Variants in AUTS2 observed in about 807,000 individuals in gnomAD.
AUTS2 encodes the protein activator of transcription and developmental regulator AUTS2.
Under a neutral mutation model 112.4 loss-of-function variants are expected in AUTS2, and 17 were observed. The observed-to-expected ratio is 0.15, with a 90% CI of 0.10 to 0.23. The LOEUF (loss-of-function observed/expected upper bound fraction) is 0.23. Ranked by LOEUF, AUTS2 falls within the 10% of genes least tolerant of loss-of-function variation. The pLI is 1.00. For missense variants in AUTS2, 1,510 were observed against 1,701.6 expected (o/e 0.89, Z 1.98); for synonymous variants, 751 against 702.7 (o/e 1.07, Z -1.09).
At chr7:70,259,288 A>T (rs1489883731) in intron 4 of AUTS2, among the ~76,000 whole-genome samples, 2 of 150,526 alleles carry the variant, frequency 1.3e-5, no homozygotes, top group African/African-American at 2.4e-5. Context: ...TCATACAAAA[A>T]TCTAGAGCTT....
chr7:69,894,105 G>T (rs1224625139), intron 1 of AUTS2, among the ~76,000 whole-genome samples: 13 of 152,072 alleles, frequency 8.5e-5, no homozygotes, highest in Admixed American at 8.5e-4. Context: ...CACATCTGTT[G>T]TGCATGGCTT....
At chr7:69,749,656 A>T (rs1787653196) in intron 1 of AUTS2, among the ~76,000 whole-genome samples, 1 of 152,224 alleles carries the variant, frequency 6.6e-6, no homozygotes, top group African/African-American at 2.4e-5. Context: ...GCGGCTGTTC[A>T]TATGGCAACT....
At chr7:70,026,391 G>C (rs1380195145) in intron 2 of AUTS2, among the ~76,000 whole-genome samples, 1 of 152,210 alleles carries the variant, frequency 6.6e-6, no homozygotes, top group Non-Finnish European at 1.5e-5. Context: ...CAGGCTGTGA[G>C]TTCCCTCTCT....
intron 4 of AUTS2, among the ~76,000 whole-genome samples, chr7:70,350,257 CATA>C (rs1791688315): frequency 6.6e-6 from 1 of 151,980 alleles, no homozygotes; most frequent in Non-Finnish European, 1.5e-5. Flanking sequence ...AGATGTACAA[CATA>C]ATGTTTTGAT....
intron 1 of AUTS2, among the ~76,000 whole-genome samples, chr7:69,872,020 C>T (rs763370645): frequency 1.3e-5 from 2 of 152,144 alleles, no homozygotes; most frequent in African/African-American, 4.8e-5. Flanking sequence ...GCGCCTGTTG[C>T]GTGTATTTTT....
chr7:69,998,761 G>C (rs1161211424), intron 2 of AUTS2, among the ~76,000 whole-genome samples: 1 of 152,052 alleles, frequency 6.6e-6, no homozygotes, highest in African/African-American at 2.4e-5. Context: ...GGAAGGTGAG[G>C]GATACTATTT....
intron 5 of AUTS2, among the ~76,000 whole-genome samples, chr7:70,469,357 A>AG (rs1797289241): frequency 6.7e-6 from 1 of 149,870 alleles, no homozygotes; most frequent in Non-Finnish European, 1.5e-5. Flanking sequence ...TCTCTAAGGA[A>AG]GGGCCCAAAT....
At chr7:70,615,376 A>G (rs749220270) in intron 5 of AUTS2, among the ~76,000 whole-genome samples, 6 of 152,166 alleles carry the variant, frequency 3.9e-5, no homozygotes, top group Admixed American at 6.5e-5. Flanking sequence ...TGCCAGATAC[A>G]ACTTCTGTCG....
At chr7:70,231,392 C>T (rs1160829167) in intron 4 of AUTS2, among the ~76,000 whole-genome samples, 4 of 152,156 alleles carry the variant, frequency 2.6e-5, no homozygotes, top group Non-Finnish European at 4.4e-5. Flanking sequence ...AACCACTGTC[C>T]TGACCTCTGT....
chr7:69,714,249 A>ATGTGTGTGTG lies in AUTS2; in HGVS notation c.309+114319_309+114328dup, dbSNP rs200192496. 9.1e-3 allele frequency among the ~76,000 whole-genome samples: 849 copies of ATGTGTGTGTG among 92,814 alleles called. 3 individuals carry two copies. Among genetic ancestry groups the ATGTGTGTGTG allele is most frequent in the African/African-American group, 0.022 (630 of 28,546 alleles). The allele number at this position is 92,814 out of a possible 152,430, so 60.9% of individuals were successfully genotyped here. A position where few individuals can be genotyped will look rare whatever the true frequency, so the allele number is the denominator to read the frequency against. On this transcript the variant is annotated intron_variant, in intron 1 of 18. Coordinates refer to ENST00000342771, the MANE Select transcript of AUTS2 (RefSeq NM_015570.4). ...CAGCTAATTGTGCATGTGTGTGTAT[A>ATGTGTGTGTG]TGTGTGTGTGTGTGTGTGTGTGTGT...
chr7:69,952,417 G>A (rs1369076581), intron 2 of AUTS2, among the ~76,000 whole-genome samples: 2 of 152,202 alleles, frequency 1.3e-5, no homozygotes, highest in African/African-American at 2.4e-5. Flanking sequence ...TTTTGAGGGA[G>A]GGAGTTAATT....
chr7:70,220,929 T>C (rs1450059212), intron 4 of AUTS2, among the ~76,000 whole-genome samples: 1 of 152,194 alleles, frequency 6.6e-6, no homozygotes, highest in Admixed American at 6.5e-5. Flanking sequence ...ATTGTATATC[T>C]ATCCTATCCT....
intron 2 of AUTS2, among the ~76,000 whole-genome samples, chr7:70,054,550 T>C (rs1282264231): frequency 6.6e-6 from 1 of 152,190 alleles, no homozygotes; most frequent in Non-Finnish European, 1.5e-5. Context: ...AAGCTCCTGA[T>C]ATACTGGTTA....
At chr7:69,607,893 T>G (rs758688777) in intron 1 of AUTS2, among the ~76,000 whole-genome samples, 1 of 152,200 alleles carries the variant, frequency 6.6e-6, no homozygotes, top group Non-Finnish European at 1.5e-5. Flanking sequence ...AAATATAGAT[T>G]GTGACTCTTG....
intron 5 of AUTS2, among the ~76,000 whole-genome samples, chr7:70,663,079 C>T (rs1481393113): frequency 2.0e-5 from 3 of 152,194 alleles, no homozygotes; most frequent in Non-Finnish European, 2.9e-5. Flanking sequence ...AACTGAGGTT[C>T]CATATGTTGA....
At chr7:69,830,402 T>TA (rs1295287684) in intron 1 of AUTS2, among the ~76,000 whole-genome samples, 1 of 152,178 alleles carries the variant, frequency 6.6e-6, no homozygotes, top group Non-Finnish European at 1.5e-5. Context: ...AACTTTAAGT[T>TA]AAAAAATAAG....
Position 70,774,037 on chromosome 7 carries a change from C to T in AUTS2, c.1840C>T (p.Pro614Ser). The change falls in exon 12 of 19, where the codon CCT becomes TCT. Residue 614 changes from proline to serine, a missense_variant. Pro to Ser is a moderately conservative substitution (Grantham distance 74). Transcript: ENST00000342771. ...QGAFQPKTSN[P>S]IDVAARPGTV... ...TCTAATTAATTTGTAGACATCCAAC[C>T]CTATCGATGTCGCTGCTCGGCCTGG... 1 of 1,614,110 alleles carries T rather than the reference C, an allele frequency of 6.2e-7. No homozygotes were observed. Among genetic ancestry groups the T allele is most frequent in the Non-Finnish European group, 8.5e-7 (1 of 1,180,000 alleles).
chr7:70,218,177 T>C (rs1811273808), intron 4 of AUTS2, among the ~76,000 whole-genome samples: 1 of 152,246 alleles, frequency 6.6e-6, no homozygotes, highest in African/African-American at 2.4e-5. Flanking sequence ...CTGTGTCATA[T>C]AACTTCTAAT....
At chr7:70,714,858 C>G (rs1476501103) in intron 6 of AUTS2, among the ~76,000 whole-genome samples, 2 of 152,190 alleles carry the variant, frequency 1.3e-5, no homozygotes, top group African/African-American at 4.8e-5. Flanking sequence ...TGGGAACACA[C>G]AGTGTCTGGG....
Sources: allele counts gnomAD v4.1 joint callset (sites outside exome capture counted in the v4.1 genomes callset), GRCh38; gene constraint gnomAD v4.1.1; transcripts MANE v1.5; gene names NCBI Gene and HGNC (gene_info 2026-07-23, HGNC 2026-07-21).